CSMD1: variants seen among roughly 807,000 people sequenced by gnomAD.
CSMD1 encodes CUB and Sushi multiple domains 1.
Under a neutral mutation model 417.5 loss-of-function variants are expected in CSMD1, and 213 were observed. That is an observed-to-expected ratio of 0.51 (90% confidence interval 0.46 to 0.57). The LOEUF (loss-of-function observed/expected upper bound fraction) is 0.57. Ranked by LOEUF, CSMD1 falls within the 20% of genes least tolerant of loss-of-function variation. The probability of loss-of-function intolerance (pLI) is 0.00; values close to 1 mark genes in which losing one functional copy is unlikely to be tolerated. For missense variants in CSMD1, 6,923 were observed against 4,529.7 expected, an observed-to-expected ratio of 1.53 and a Z score of -15.17; for synonymous variants, 2,862 against 1,736.8, an observed-to-expected ratio of 1.65 and a Z score of -16.11.
intron 3 of CSMD1, among the ~76,000 whole-genome samples, chr8:4,213,092 G>C (rs1176324921): frequency 6.6e-6 from 1 of 152,076 alleles, no homozygotes; most frequent in Admixed American, 6.6e-5. Flanking sequence ...GAAGAATATA[G>C]ATGCTTCACC....
intron 52 of CSMD1, among the ~76,000 whole-genome samples, chr8:3,005,404 C>A (rs1251493602): frequency 6.6e-6 from 1 of 152,150 alleles, no homozygotes; most frequent in African/African-American, 2.4e-5. Flanking sequence ...AAGACGGAAT[C>A]CTCCCTAACT....
At chr8:3,200,825 T>A (rs138441126) in intron 32 of CSMD1, among the ~76,000 whole-genome samples, 1 of 152,114 alleles carries the variant, frequency 6.6e-6, no homozygotes, top group South Asian at 2.1e-4. Context: ...AACCTGGAAA[T>A]ATAATCAAAT....
intron 1 of CSMD1, among the ~76,000 whole-genome samples, chr8:4,938,030 G>T (rs868350069): frequency 6.6e-6 from 1 of 152,018 alleles, no homozygotes; most frequent in South Asian, 2.1e-4. Flanking sequence ...CTCAAAAATA[G>T]TTAGAATAAT....
At chr8:4,426,962 A>G (rs1797594892) in intron 2 of CSMD1, among the ~76,000 whole-genome samples, 2 of 152,036 alleles carry the variant, frequency 1.3e-5, no homozygotes, top group South Asian at 4.1e-4. Flanking sequence ...TCACTGGATA[A>G]GACTGGCCTG....
At position 4,153,493 on chromosome 8, in the gene CSMD1, C is replaced by T. The variant is rs539277631; in HGVS notation, c.416-121394G>A. On this transcript the variant is annotated intron_variant, in intron 3 of 69. Coordinates refer to ENST00000635120, the MANE Select transcript of CSMD1 (RefSeq NM_033225.6). ...CAGCTCTGCTTCCCAGTCTTTCTGA[C>T]ATTTCTGCTCACAATTGTTGAATTA... Among the ~76,000 whole-genome samples, 3 of 152,340 alleles carry T rather than the reference C, an allele frequency of 2.0e-5. No homozygotes were observed. In the South Asian group the frequency reaches 6.2e-4, roughly 32 times the overall value.
chr8:4,860,884 G>C (rs970298799), intron 1 of CSMD1, among the ~76,000 whole-genome samples: 6 of 152,064 alleles, frequency 3.9e-5, no homozygotes, highest in Non-Finnish European at 8.8e-5. Flanking sequence ...TCCTGCTAGA[G>C]AAACCTTCCT....
chr8:3,334,506 G>A (rs1023842066), intron 23 of CSMD1, among the ~76,000 whole-genome samples: 4 of 152,038 alleles, frequency 2.6e-5, no homozygotes, highest in African/African-American at 7.2e-5. Flanking sequence ...ATTTAATGTT[G>A]ATGTCATTTT....
chr8:4,110,161 C>A (rs188024879), intron 3 of CSMD1, among the ~76,000 whole-genome samples: 1 of 152,120 alleles, frequency 6.6e-6, no homozygotes, highest in Non-Finnish European at 1.5e-5. Flanking sequence ...TGCAAATCTG[C>A]CATTTCATCT....
At chr8:3,654,666 C>A (rs932599942) in intron 7 of CSMD1, among the ~76,000 whole-genome samples, 2 of 152,166 alleles carry the variant, frequency 1.3e-5, no homozygotes, top group African/African-American at 4.8e-5. Flanking sequence ...TTGTGATATG[C>A]TAAGTAAGAC....
chr8:4,408,168 T>G (rs1056044533), intron 3 of CSMD1, among the ~76,000 whole-genome samples: 1 of 152,204 alleles, frequency 6.6e-6, no homozygotes, highest in African/African-American at 2.4e-5. Flanking sequence ...CTACCAAAGC[T>G]TAGTCAGATG....
chr8:4,002,907 CAAATT>C (rs1273993422), intron 4 of CSMD1, among the ~76,000 whole-genome samples: 13 of 152,206 alleles, frequency 8.5e-5, no homozygotes, highest in Non-Finnish European at 1.3e-4. Context: ...TATATGGTCT[CAAATT>C]AAGCATTATC....
intron 3 of CSMD1, among the ~76,000 whole-genome samples, chr8:4,079,478 G>T (rs1045925990): frequency 1.3e-5 from 2 of 152,210 alleles, no homozygotes; most frequent in Non-Finnish European, 2.9e-5. Context: ...TCATCATAAA[G>T]CATGCAAATT....
intron 3 of CSMD1, among the ~76,000 whole-genome samples, chr8:4,394,791 A>G (rs972353140): frequency 1.3e-5 from 2 of 152,000 alleles, no homozygotes; most frequent in African/African-American, 4.8e-5. Flanking sequence ...ATGCAGCCTC[A>G]CCTTAGTTTT....
chr8:3,709,253 T>A (rs555059559), intron 6 of CSMD1, among the ~76,000 whole-genome samples: 1 of 152,070 alleles, frequency 6.6e-6, no homozygotes, highest in Non-Finnish European at 1.5e-5. Context: ...CACACTTGGC[T>A]TTACTAAGTG....
At chr8:2,965,301 C>T (rs781641363) in intron 59 of CSMD1, among the ~76,000 whole-genome samples, 1 of 152,206 alleles carries the variant, frequency 6.6e-6, no homozygotes, top group Non-Finnish European at 1.5e-5. Flanking sequence ...GTGTCATCTT[C>T]AGTCTCGGCA....
chr8:4,446,804 G>C (rs1014279092), intron 2 of CSMD1, among the ~76,000 whole-genome samples: 3 of 137,358 alleles, frequency 2.2e-5, no homozygotes, highest in Non-Finnish European at 4.6e-5. Context: ...TGTATTTTTA[G>C]TAGAGCCAAG....
chr8:4,496,890 G>A (rs1047169508), intron 2 of CSMD1, among the ~76,000 whole-genome samples: 1 of 152,112 alleles, frequency 6.6e-6, no homozygotes, highest in Admixed American at 6.5e-5. Context: ...AGGCTTTCCA[G>A]ACCATTTAAT....
Position 4,237,340 on chromosome 8 carries a change from C to T in CSMD1, c.415+182613G>A, listed in dbSNP as rs73498557. ...TCCTTGAACAGTAAATAAACTAATC[C>T]TTCAACAGAAAACATTATTTCTGAG... On this transcript the variant is annotated intron_variant, in intron 3 of 69. Transcript: ENST00000635120. 1.6e-3 allele frequency among the ~76,000 whole-genome samples: 238 copies of T among 152,022 alleles called. 1 individual carries two copies. The highest frequency in any genetic ancestry group is 5.4e-3 in the African/African-American group (224 of 41,496).
intron 7 of CSMD1, among the ~76,000 whole-genome samples, chr8:3,663,546 G>A (rs1417806782): frequency 6.6e-6 from 1 of 152,064 alleles, no homozygotes; most frequent in East Asian, 1.9e-4. Context: ...AACTGCTTAC[G>A]GCCAACCTGC....
Sources: gnomAD v4.1 joint callset for allele counts (sites outside exome capture counted in the v4.1 genomes callset) on GRCh38, gnomAD v4.1.1 for gene constraint, MANE v1.5 for transcripts, NCBI Gene and HGNC (gene_info 2026-07-23, HGNC 2026-07-21) for gene names.